AFF3: variants seen among roughly 807,000 people sequenced by gnomAD.
The protein encoded by AFF3 is ALF transcription elongation factor 3.
A neutral mutation model predicts 129.7 loss-of-function variants in AFF3; 32 were observed. The ratio of observed to expected loss-of-function variants is 0.25; its 90% CI spans 0.19 to 0.33. The LOEUF (loss-of-function observed/expected upper bound fraction) is 0.33, where lower values mean the gene tolerates loss of function less well. Among genes scored for constraint, AFF3 ranks in the 10% least tolerant of loss-of-function variants. The pLI is 1.00. For missense variants in AFF3, 1,373 were observed against 1,592.0 expected, an observed-to-expected ratio of 0.86 and a Z score of 2.34; for synonymous variants, 644 against 635.4, an observed-to-expected ratio of 1.01 and a Z score of -0.20.
intron 11 of AFF3, among the ~76,000 whole-genome samples, chr2:99,724,967 A>AT (rs1429026147): frequency 1.3e-5 from 2 of 150,428 alleles, no homozygotes; most frequent in East Asian, 2.0e-4. Context: ...CAACTTACCT[A>AT]TTTTTTTTCT....
At chr2:99,855,198 A>AG (rs1690435930) in intron 7 of AFF3, among the ~76,000 whole-genome samples, 1 of 152,216 alleles carries the variant, frequency 6.6e-6, no homozygotes, top group African/African-American at 2.4e-5. Flanking sequence ...TAAAGGGTAA[A>AG]GGGTTTCTTT....
chr2:100,108,647 G>A (rs1691405407), intron 2 of AFF3, among the ~76,000 whole-genome samples: 1 of 152,184 alleles, frequency 6.6e-6, no homozygotes, highest in African/African-American at 2.4e-5. Flanking sequence ...CTGGGAAAAG[G>A]AGGGAGGGTA....
At chr2:99,992,447 T>A (rs17023391) in intron 7 of AFF3, among the ~76,000 whole-genome samples, 31,313 of 152,144 alleles carry the variant, frequency 0.21, 4,084 homozygotes, top group African/African-American at 0.36. Context: ...TCAAGTTAGG[T>A]GAGCCTATAT....
intron 4 of AFF3, among the ~76,000 whole-genome samples, chr2:100,055,413 G>A (rs1686682312): frequency 6.7e-6 from 1 of 150,332 alleles, no homozygotes; most frequent in African/African-American, 2.5e-5. Flanking sequence ...CCTCCCTCCT[G>A]GCCAGTGGTC....
chr2:100,114,525 G>T (rs536220192), intron 2 of AFF3, among the ~76,000 whole-genome samples: 2 of 152,306 alleles, frequency 1.3e-5, no homozygotes, highest in East Asian at 3.9e-4. Context: ...GGGATTACAG[G>T]GGCCTGCCAC....
chr2:99,571,003 T>C (rs1364985383), intron 18 of AFF3, among the ~76,000 whole-genome samples: 1 of 152,268 alleles, frequency 6.6e-6, no homozygotes, highest in Non-Finnish European at 1.5e-5. Context: ...TATTTCATTA[T>C]CTTCTGAGCT....
At chr2:99,556,692 C>A (rs1001062379) in intron 22 of AFF3, among the ~76,000 whole-genome samples, 16 of 152,028 alleles carry the variant, frequency 1.1e-4, no homozygotes, top group Non-Finnish European at 1.9e-4. Context: ...GAGGCCAAGG[C>A]AGTAGGCTCG....
At chr2:100,008,495 A>G (rs1390373767) in intron 5 of AFF3, among the ~76,000 whole-genome samples, 1 of 148,166 alleles carries the variant, frequency 6.7e-6, no homozygotes, top group Non-Finnish European at 1.5e-5. Flanking sequence ...CTGAGAAAAC[A>G]TAACAAATGG....
At chr2:100,078,745 A>G (rs189193751) in intron 4 of AFF3, among the ~76,000 whole-genome samples, 93 of 152,246 alleles carry the variant, frequency 6.1e-4, no homozygotes, top group African/African-American at 2.2e-3. Context: ...GGATACCAAA[A>G]TCCTAGGATG....
At chr2:99,789,875 T>C (rs1003465471) in intron 8 of AFF3, among the ~76,000 whole-genome samples, 3 of 152,210 alleles carry the variant, frequency 2.0e-5, no homozygotes, top group Admixed American at 6.5e-5. Context: ...ATGATCTTCT[T>C]TGCATTTTAA....
chr2:99,561,702 C>T (rs1675490882), intron 20 of AFF3, among the ~76,000 whole-genome samples: 1 of 152,080 alleles, frequency 6.6e-6, no homozygotes, highest in Admixed American at 6.6e-5. Flanking sequence ...TTGTTTCAAT[C>T]CTCAAACCTG....
chr2:99,806,252 CATTA>C (rs1686338481), intron 8 of AFF3, among the ~76,000 whole-genome samples: 2 of 152,286 alleles, frequency 1.3e-5, no homozygotes, highest in South Asian at 4.1e-4. Context: ...ATGTTCAATT[CATTA>C]ATTAATTACT....
At chr2:99,895,865 T>G (rs1693898602) in intron 7 of AFF3, among the ~76,000 whole-genome samples, 1 of 151,968 alleles carries the variant, frequency 6.6e-6, no homozygotes. Flanking sequence ...GGTCAGGAGT[T>G]CGAGACCAGC....
chr2:99,597,492 T>C (rs1679404206), intron 14 of AFF3, among the ~76,000 whole-genome samples: 2 of 152,232 alleles, frequency 1.3e-5, no homozygotes, highest in Non-Finnish European at 2.9e-5. Flanking sequence ...GCATCTATAC[T>C]AGGTCAGGGA....
In AFF3 at chr2:99,606,643, C is replaced by T. The variant is rs141484019; in HGVS notation, c.1185-5022G>A. On this transcript the variant is annotated intron_variant, in intron 13 of 24. Transcript: ENST00000672756. ...ATATTTAAAAGTACTTCAGGACGGG[C>T]GCGGTGGCTCACGTCTGTAATCCCA... is the stretch of plus-strand genomic sequence containing the variant. 3.6e-3 allele frequency among the ~76,000 whole-genome samples: 552 copies of T among 152,000 alleles called. 1 individual carries two copies. Among genetic ancestry groups the T allele is most frequent in the African/African-American group, 5.2e-3 (215 of 41,466 alleles).
chr2:99,684,614 A>ATTT, intron 11 of AFF3, among the ~76,000 whole-genome samples: 1 of 143,606 alleles, frequency 7.0e-6, no homozygotes, highest in African/African-American at 2.6e-5. Flanking sequence ...CCATGAATTC[A>ATTT]TTTTTTTTTT....
intron 16 of AFF3, among the ~76,000 whole-genome samples, chr2:99,584,889 A>G (rs1677941588): frequency 6.6e-6 from 1 of 152,248 alleles, no homozygotes; most frequent in Non-Finnish European, 1.5e-5. Context: ...CAATTTCCTT[A>G]GCTGGTGGTC....
chr2:99,672,176 T>TCACA (rs55867427), intron 12 of AFF3, among the ~76,000 whole-genome samples: 3,243 of 35,928 alleles, frequency 0.09, 66 homozygotes, highest in Non-Finnish European at 0.13. Flanking sequence ...CCAGTTAGCT[T>TCACA]CTCACACACA....
At chr2:99,686,624 T>C (rs1675087742) in intron 11 of AFF3, among the ~76,000 whole-genome samples, 1 of 152,108 alleles carries the variant, frequency 6.6e-6, no homozygotes, top group Admixed American at 6.6e-5. Flanking sequence ...AAAATACAAA[T>C]AAACAAAACC....
Sources: gnomAD v4.1 joint callset for allele counts (sites outside exome capture counted in the v4.1 genomes callset) on GRCh38, gnomAD v4.1.1 for gene constraint, MANE v1.5 for transcripts, NCBI Gene and HGNC (gene_info 2026-07-23, HGNC 2026-07-21) for gene names.